Variants in MSH3 observed in about 807,000 individuals in gnomAD.
The protein encoded by MSH3 is DNA mismatch repair protein Msh3.
Under a neutral mutation model 123.3 loss-of-function variants are expected in MSH3, and 106 were observed. That is an observed-to-expected ratio of 0.86 (90% CI 0.73 to 1.01). The LOEUF (loss-of-function observed/expected upper bound fraction) is 1.01. Ranked by LOEUF, MSH3 falls within the 50% of genes least tolerant of loss-of-function variation. The pLI, the probability that MSH3 is intolerant of heterozygous loss-of-function variation, is 0.00. For synonymous variants in MSH3, 515 were observed against 481.4 expected, an observed-to-expected ratio of 1.07 and a Z score of -0.91; for missense variants, 1,459 against 1,347.6, an observed-to-expected ratio of 1.08 and a Z score of -1.29.
chr5:80,785,929 G>A (rs1014429782), intron 17 of MSH3, among the ~76,000 whole-genome samples: 1 of 150,256 alleles, frequency 6.7e-6, no homozygotes, highest in East Asian at 2.0e-4. Context: ...CTCACAGGTG[G>A]GAATTGAACA....
Position 80,656,403 on chromosome 5 carries a change from C to T in MSH3, c.238-8C>T, listed in dbSNP as rs371789397. On this transcript the variant is annotated splice_polypyrimidine_tract_variant and splice_region_variant and intron_variant, in intron 1 of 23. Transcript: ENST00000265081. ...ATAACACATCATTTTCTAACCTTCC[C>T]GATATAGGCTACAGAAATTGACAGA... 15 of 1,613,762 alleles carry T rather than the reference C, an allele frequency of 9.3e-6. No homozygotes were observed. Among genetic ancestry groups the T allele is most frequent in the South Asian group, 5.5e-5 (5 of 91,056 alleles).
At chr5:80,797,701 T>G (rs1387102222) in intron 19 of MSH3, among the ~76,000 whole-genome samples, 2 of 152,206 alleles carry the variant, frequency 1.3e-5, no homozygotes, top group East Asian at 3.9e-4. Flanking sequence ...TTTTTCACTT[T>G]GCATCACACA....
At chr5:80,783,578 A>C (rs1744445874) in intron 17 of MSH3, among the ~76,000 whole-genome samples, 1 of 152,190 alleles carries the variant, frequency 6.6e-6, no homozygotes, top group South Asian at 2.1e-4. Context: ...GTTTTAACTG[A>C]AATGGGACCC....
chr5:80,744,172 A>T (rs2112868612), intron 11 of MSH3, among the ~76,000 whole-genome samples: 1 of 152,364 alleles, frequency 6.6e-6, no homozygotes, highest in African/African-American at 2.4e-5. Flanking sequence ...ATACCAAAGG[A>T]AAATTAAGTC....
chr5:80,732,921 T>A (rs1034725596), intron 10 of MSH3, among the ~76,000 whole-genome samples: 1 of 152,208 alleles, frequency 6.6e-6, no homozygotes, highest in African/African-American at 2.4e-5. Flanking sequence ...ACATTAAACC[T>A]GTCTGTTGTT....
chr5:80,666,339 T>C (rs914212683), intron 3 of MSH3, among the ~76,000 whole-genome samples: 11 of 152,304 alleles, frequency 7.2e-5, no homozygotes, highest in African/African-American at 2.6e-4. Context: ...GCCTTTTTCT[T>C]CAGAAAAATT....
chr5:80,674,317 CAGACATACAT>C (rs1265127164), intron 6 of MSH3, among the ~76,000 whole-genome samples: 1 of 152,168 alleles, frequency 6.6e-6, no homozygotes, highest in African/African-American at 2.4e-5. Context: ...CACACATACA[CAGACATACAT>C]GCACATATAA....
At chr5:80,870,928 C>T (rs1243983407) in intron 22 of MSH3, among the ~76,000 whole-genome samples, 3 of 118,260 alleles carry the variant, frequency 2.5e-5, no homozygotes, top group East Asian at 2.0e-4. Context: ...GCACAGTGCA[C>T]ATTTTGCAGC....
chr5:80,656,443 A>T lies in MSH3; in HGVS notation c.270A>T (p.Pro90=), dbSNP rs1295550775. Residue 90 remains proline, a synonymous_variant, in exon 2 of 24, where the codon CCA becomes CCT. Transcript: ENST00000265081. ...AAATTGACAGAAGAAAGAAGAGACC[A>T]TTGGAAAATGATGGGCCTGTTAAAA... ...ATEIDRRKKR[P]LENDGPVKKK... 6.2e-7 allele frequency: 1 copy of T among 1,614,172 alleles called. No homozygotes were observed. Among genetic ancestry groups the T allele is most frequent in the South Asian group, 1.1e-5 (1 of 91,092 alleles).
intron 12 of MSH3, among the ~76,000 whole-genome samples, chr5:80,760,616 G>A (rs1231557368): frequency 7.2e-5 from 11 of 152,140 alleles, no homozygotes; most frequent in Non-Finnish European, 7.3e-5. Context: ...TATTATATTA[G>A]CCAAGGTAAT....
intron 20 of MSH3, among the ~76,000 whole-genome samples, chr5:80,819,723 G>A (rs1351249550): frequency 6.6e-6 from 1 of 152,080 alleles, no homozygotes; most frequent in Non-Finnish European, 1.5e-5. Context: ...CTGACCTCAG[G>A]TGATCCGCCC....
At chr5:80,838,617 T>C (rs998767205) in intron 20 of MSH3, among the ~76,000 whole-genome samples, 2 of 152,246 alleles carry the variant, frequency 1.3e-5, no homozygotes, top group African/African-American at 2.4e-5. Flanking sequence ...TAATGGACTT[T>C]TTGCTATATC....
chr5:80,855,589 T>C (rs1445225311), intron 21 of MSH3: 2 of 152,232 alleles, frequency 1.3e-5, no homozygotes, highest in Non-Finnish European at 2.9e-5. Context: ...TTCATGAGAA[T>C]GATTCCTGAC....
chr5:80,679,161 T>G (rs1042194894), intron 8 of MSH3, 68 bp downstream of exon 8: 5 of 1,478,988 alleles, frequency 3.4e-6, no homozygotes, highest in Non-Finnish European at 4.7e-6. Flanking sequence ...AAACTGATAC[T>G]TATTAAAGTT....
intron 8 of MSH3, among the ~76,000 whole-genome samples, chr5:80,680,796 C>A (rs1019501948): frequency 6.6e-6 from 1 of 152,098 alleles, no homozygotes; most frequent in African/African-American, 2.4e-5. Context: ...TCAGTTTATC[C>A]TCTAATATTT....
At position 80,670,081 on chromosome 5, in the gene MSH3, A is replaced by T. The variant is rs2112812078; in HGVS notation, c.580-16A>T. 6.2e-7 allele frequency: 1 copy of T among 1,612,128 alleles called. No individual in the cohort carries two copies. Among genetic ancestry groups the T allele is most frequent in the Non-Finnish European group, 8.5e-7 (1 of 1,178,346 alleles). On this transcript the variant is annotated splice_polypyrimidine_tract_variant and intron_variant, in intron 3 of 23. Transcript: ENST00000265081. ...GGTTAATATTTTTAAAACTTTATAC[A>T]TCTTTTGGTTGCCAGGACACAACAC...
At chr5:80,869,854 A>ACACACG (rs1309828028) in intron 22 of MSH3, among the ~76,000 whole-genome samples, 1 of 147,914 alleles carries the variant, frequency 6.8e-6, no homozygotes, top group Non-Finnish European at 1.5e-5. Flanking sequence ...ACACACACAC[A>ACACACG]CACACACACT....
At chr5:80,808,319 G>C (rs550606639) in intron 19 of MSH3, among the ~76,000 whole-genome samples, 1 of 152,210 alleles carries the variant, frequency 6.6e-6, no homozygotes, top group East Asian at 1.9e-4. Context: ...TCATCCTAAT[G>C]CCTTTTTATT....
At position 80,854,161 on chromosome 5, in the gene MSH3, C is replaced by T. The variant is rs758546167; in HGVS notation, c.2845C>T (p.Gln949Ter). The change falls in exon 21 of 24, where the codon CAG (glutamine) becomes TAG (stop). Residue 949 changes from glutamine (Q) to a stop codon, truncating the protein, a stop_gained. Transcript: ENST00000265081. LOFTEE classifies it high-confidence loss of function. ...TGCTGCAGACAATATATATAAAGGA[C>T]AGAGTACATTTATGGAAGAACTGAC... ...MGAADNIYKG[Q>*]STFMEELTDT... 1.2e-5 allele frequency: 20 copies of T among 1,613,310 alleles called. No homozygotes were observed. In the East Asian group the frequency reaches 1.6e-4, roughly 13 times the overall value.
Sources: gnomAD v4.1 joint callset for allele counts (sites outside exome capture counted in the v4.1 genomes callset) on GRCh38, gnomAD v4.1.1 for gene constraint, MANE v1.5 for transcripts, NCBI Gene and HGNC (gene_info 2026-07-23, HGNC 2026-07-21) for gene names.